VXN: variants seen among roughly 807,000 people sequenced by gnomAD.
The protein encoded by VXN is vexin.
A neutral mutation model predicts 23.1 loss-of-function variants in VXN; 7 were observed. The ratio of observed to expected loss-of-function variants is 0.30; its 90% confidence interval spans 0.17 to 0.57. The LOEUF is 0.57. Among genes scored for constraint, VXN ranks in the 20% least tolerant of loss-of-function variants. The probability of loss-of-function intolerance (pLI) is 0.91; values close to 1 mark genes in which losing one functional copy is unlikely to be tolerated. For missense variants in VXN, 238 were observed against 272.6 expected (o/e 0.87, Z 0.89); for synonymous variants, 120 against 105.8 (o/e 1.13, Z -0.83).
chr8:66,498,944 C>T, intron 2 of VXN: 1 of 358,930 alleles, frequency 2.8e-6, no homozygotes, highest in South Asian at 2.1e-5. Context: ...AGTCAAATGG[C>T]CTGGGTTTAA....
At chr8:66,495,608 A>T (rs1200039458) in intron 1 of VXN, among the ~76,000 whole-genome samples, 1 of 152,236 alleles carries the variant, frequency 6.6e-6, no homozygotes, top group Non-Finnish European at 1.5e-5. Context: ...ATTTAATCTT[A>T]TCTTTTTTCC....
At chr8:66,500,496 C>T (rs1223824892) in intron 2 of VXN, among the ~76,000 whole-genome samples, 1 of 152,188 alleles carries the variant, frequency 6.6e-6, no homozygotes, top group African/African-American at 2.4e-5. Flanking sequence ...GTTTCTTACT[C>T]ATGACTTTTG....
Position 66,516,133 on chromosome 8 carries a change from A to G in VXN, c.*57A>G, listed in dbSNP as rs17322752. ...CAAGGTTCCCCGGACAAGAGGAAAAACCTTCAGGATTGAAACTGAGCCACA... is the reference window on the plus strand; with the variant it reads ...CAAGGTTCCCCGGACAAGAGGAAAAGCCTTCAGGATTGAAACTGAGCCACA... On this transcript the variant is annotated 3_prime_UTR_variant, in exon 6 of 6. Coordinates refer to ENST00000305454, the MANE Select transcript of VXN (RefSeq NM_152765.4). 30,027 of 1,476,756 alleles carry G rather than the reference A, an allele frequency of 0.02. 370 individuals carry two copies. Among genetic ancestry groups the G allele is most frequent in the Non-Finnish European group, 0.024 (26,311 of 1,111,642 alleles). The allele number at this position is 1,476,756 out of a possible 1,614,324, so 91.5% of individuals were successfully genotyped here.
At chr8:66,496,558 T>C (rs1184522029) in intron 2 of VXN, 66 bp downstream of exon 2, 8 of 1,444,456 alleles carry the variant, frequency 5.5e-6, no homozygotes, top group Non-Finnish European at 7.8e-6. Flanking sequence ...CCAGGCTTCT[T>C]CTTCACTCTC....
chr8:66,516,220 G>T lies in VXN; in HGVS notation c.*144G>T, dbSNP rs1462960241. 6.1e-6 allele frequency: 4 copies of T among 656,676 alleles called. No individual in the cohort carries two copies. The highest frequency in any genetic ancestry group is 9.5e-6 in the Non-Finnish European group (4 of 419,388). The allele number at this position is 656,676 out of a possible 1,614,324, so 40.7% of individuals were successfully genotyped here. On this transcript the variant is annotated 3_prime_UTR_variant, in exon 6 of 6. Coordinates refer to ENST00000305454, the MANE Select transcript of VXN (RefSeq NM_152765.4). Reference sequence around the variant, plus strand: ...CTCCCTCACTCATTGATTACCCTGGGATAGGGCACAGGAAAGAAATGTCCC... The same window carrying T: ...CTCCCTCACTCATTGATTACCCTGGTATAGGGCACAGGAAAGAAATGTCCC...
intron 2 of VXN, among the ~76,000 whole-genome samples, chr8:66,497,455 G>A (rs146677959): frequency 1.2e-4 from 18 of 152,226 alleles, no homozygotes; most frequent in African/African-American, 2.9e-4. Context: ...CACCAGCATC[G>A]GCTTTCCTCT....
intron 4 of VXN, among the ~76,000 whole-genome samples, chr8:66,511,772 A>T (rs1049636730): frequency 6.6e-6 from 1 of 152,152 alleles, no homozygotes; most frequent in Non-Finnish European, 1.5e-5. Flanking sequence ...AGGAATAAGA[A>T]TGAAGAGGAA....
intron 4 of VXN, among the ~76,000 whole-genome samples, chr8:66,510,612 T>C (rs953645627): frequency 5.9e-5 from 9 of 152,142 alleles, no homozygotes; most frequent in African/African-American, 2.2e-4. Flanking sequence ...TACCATAGAC[T>C]GGGTGGCTAA....
At chr8:66,500,644 TACCCAATAGGTAGTGTTTCC>T (rs1293722538) in intron 2 of VXN, among the ~76,000 whole-genome samples, 4 of 152,184 alleles carry the variant, frequency 2.6e-5, no homozygotes, top group Non-Finnish European at 5.9e-5. Context: ...GTGAACATCT[TACCCAATAGGTAGTGTTTCC>T]ACCCTTTCCC....
intron 1 of VXN, chr8:66,494,989 A>C (rs1807610135): frequency 6.6e-6 from 1 of 152,278 alleles, no homozygotes; most frequent in Admixed American, 6.5e-5. Context: ...CATAATGCTG[A>C]GTGCCAAATA....
chr8:66,498,867 A>T, intron 2 of VXN: 1 of 455,376 alleles, frequency 2.2e-6, no homozygotes, highest in Non-Finnish European at 4.4e-6. Context: ...GATGAAAGGG[A>T]CTACTGTATA....
At chr8:66,503,349 C>T (rs2130547512) in intron 2 of VXN, 1 of 152,266 alleles carries the variant, frequency 6.6e-6, no homozygotes, top group Admixed American at 6.5e-5. Context: ...AGCCCCAAAG[C>T]ATTGTAATTC....
Position 66,493,765 on chromosome 8 carries a change from C to A in VXN, c.70+47C>A, listed in dbSNP as rs764430013. 6 of 1,512,946 alleles carry A rather than the reference C, an allele frequency of 4.0e-6. No individual in the cohort carries two copies. The South Asian group carries it at 6.8e-5, about 17-fold the overall frequency. 93.7% of individuals were successfully genotyped at this position (1,512,946 alleles called of 1,614,324 possible). On this transcript the variant is annotated intron_variant, in intron 1 of 5. Transcript: ENST00000305454. ...TGTTTCCTTAACGTGGCATCTTAGG[C>A]AGGAGGGGAAGGACAGTCACGTGCT...
intron 4 of VXN, among the ~76,000 whole-genome samples, chr8:66,510,492 G>C (rs1586521665): frequency 6.6e-6 from 1 of 152,330 alleles, no homozygotes; most frequent in African/African-American, 2.4e-5. Flanking sequence ...AGGTAGAAAT[G>C]CCTGACTAAT....
At chr8:66,515,763 C>G in intron 5 of VXN, 130 bp from the exon 6 acceptor site, 1 of 771,730 alleles carries the variant, frequency 1.3e-6, no homozygotes, top group South Asian at 2.0e-5. Context: ...AGTGACCTTA[C>G]AGCTACGTGG....
At chr8:66,507,785 A>G (rs1807775977) in intron 3 of VXN, among the ~76,000 whole-genome samples, 1 of 141,238 alleles carries the variant, frequency 7.1e-6, no homozygotes, top group South Asian at 2.6e-4. Flanking sequence ...GATAGATTCC[A>G]GAGTGGGTGG....
intron 2 of VXN, among the ~76,000 whole-genome samples, chr8:66,502,948 G>T (rs530682496): frequency 6.6e-6 from 1 of 151,822 alleles, no homozygotes; most frequent in African/African-American, 2.4e-5. Context: ...CTGGGCTCAG[G>T]TGATCCTCCC....
chr8:66,498,336 T>TA (rs904133322), intron 2 of VXN, among the ~76,000 whole-genome samples: 17 of 151,870 alleles, frequency 1.1e-4, no homozygotes, highest in East Asian at 1.9e-4. Flanking sequence ...CTGCCTCAAA[T>TA]AAAAAAAATA....
rs78008917 is a variant in VXN at position 66,513,461 on chromosome 8, C to A, written c.343-79C>A. 9.8e-5 allele frequency: 114 copies of A among 1,169,134 alleles called. 2 individuals carry two copies. The South Asian group carries it at 1.3e-3, about 13-fold the overall frequency. The allele number at this position is 1,169,134 out of a possible 1,614,324, so 72.4% of individuals were successfully genotyped here. On this transcript the variant is annotated intron_variant, in intron 4 of 5. Transcript: ENST00000305454. ...CGGTGGTGGTTCCATTCAGTCCCCC[C>A]ACTTGCAGACAGCCTCAGTCAGGGC...
Sources: allele counts gnomAD v4.1 joint callset (sites outside exome capture counted in the v4.1 genomes callset), GRCh38; gene constraint gnomAD v4.1.1; transcripts MANE v1.5; gene names NCBI Gene and HGNC (gene_info 2026-07-23, HGNC 2026-07-21).